LOXHD1: variants seen among roughly 807,000 people sequenced by gnomAD.
LOXHD1 encodes the protein lipoxygenase homology PLAT domains 1.
A neutral mutation model predicts 248.2 loss-of-function variants in LOXHD1; 205 were observed. The observed-to-expected ratio is 0.83, with a 90% CI of 0.74 to 0.93. The LOEUF is 0.93. Ranked by LOEUF, LOXHD1 falls within the 40% of genes least tolerant of loss-of-function variation. The pLI is 0.00. For synonymous variants in LOXHD1, 1,113 were observed against 1,162.8 expected (o/e 0.96, Z 0.87); for missense variants, 2,930 against 2,971.6 (o/e 0.99, Z 0.33).
chr18:46,633,516 T>C (rs1415738064), intron 4 of LOXHD1, among the ~76,000 whole-genome samples: 1 of 152,168 alleles, frequency 6.6e-6, no homozygotes. Context: ...AACTATAACA[T>C]TCTTAGAAGA....
At chr18:46,653,257 T>A (rs2039135627) in intron 1 of LOXHD1, among the ~76,000 whole-genome samples, 1 of 151,860 alleles carries the variant, frequency 6.6e-6, no homozygotes, top group African/African-American at 2.4e-5. Flanking sequence ...AAAAAAAAAG[T>A]TTAAGAACAG....
chr18:46,521,953 G>C, intron 32 of LOXHD1, 148 bp downstream of exon 32: 1 of 634,940 alleles, frequency 1.6e-6, no homozygotes, highest in Non-Finnish European at 2.6e-6. Flanking sequence ...AAGTCACCTG[G>C]CTAGTTGGTT....
intron 37 of LOXHD1, among the ~76,000 whole-genome samples, chr18:46,503,196 T>C (rs946844568): frequency 6.6e-6 from 1 of 152,142 alleles, no homozygotes. Context: ...ACAGACATAA[T>C]GTACTTCTTT....
At chr18:46,544,371 C>G (rs750538511) in intron 23 of LOXHD1, among the ~76,000 whole-genome samples, 1 of 152,166 alleles carries the variant, frequency 6.6e-6, no homozygotes, top group Non-Finnish European at 1.5e-5. Context: ...TTGTCTAACA[C>G]ATAGAAAGGC....
rs1451197156 is a variant in LOXHD1, at chr18:46,569,589, G to A, written c.2097C>T (p.Ser699=). The A allele has an allele frequency of 9.0e-6, 14 of 1,551,758 alleles. No individual in the cohort carries two copies. Among genetic ancestry groups the A allele is most frequent in the Non-Finnish European group, 1.1e-5 (13 of 1,146,998 alleles). Reference sequence around the variant, plus strand: ...GCTTGATGTAGACTCTAGAATCCGTGCTGGCCCCAGAGACATCCCCAGTCT... The same window carrying A: ...GCTTGATGTAGACTCTAGAATCCGTACTGGCCCCAGAGACATCCCCAGTCT... ...SLKTGDVSGA[S]TDSRVYIKLY... is the part of the protein sequence containing the mutation. Residue 699 remains serine (S), a synonymous_variant, in exon 16 of 41, where the codon AGC becomes AGT. Transcript: ENST00000642948.
intron 28 of LOXHD1, among the ~76,000 whole-genome samples, chr18:46,530,388 T>A (rs2036011633): frequency 6.6e-6 from 1 of 151,922 alleles, no homozygotes; most frequent in African/African-American, 2.4e-5. Context: ...GCCTCAAGGG[T>A]AGAACAGAGG....
intron 28 of LOXHD1, among the ~76,000 whole-genome samples, chr18:46,530,900 C>T (rs1332228849): frequency 6.6e-6 from 1 of 152,144 alleles, no homozygotes; most frequent in African/African-American, 2.4e-5. Context: ...TTCCTCAGCT[C>T]TCATCTTGCA....
chr18:46,525,504 T>C (rs1432324402), intron 29 of LOXHD1, among the ~76,000 whole-genome samples: 2 of 151,880 alleles, frequency 1.3e-5, no homozygotes, highest in African/African-American at 4.8e-5. Flanking sequence ...GACAAACATC[T>C]GGGATGCAGG....
rs1568229964 is a variant in LOXHD1 at position 46,640,361 on chromosome 18, CTCTTCA to C, written c.327-567_327-562del. Among the ~76,000 whole-genome samples, 3 of 152,318 alleles carry C rather than the reference CTCTTCA, an allele frequency of 2.0e-5. No individual in the cohort carries two copies. The East Asian group carries it at 5.8e-4, about 29-fold the overall frequency. Reference sequence around the variant, plus strand: ...CTGTGAGATGATTAAGTGTGTCCCTCTCTTCATCATGACTCCTGGACCTGGACAACA... The same window carrying C: ...CTGTGAGATGATTAAGTGTGTCCCTCTCATGACTCCTGGACCTGGACAACA... On this transcript the variant is annotated intron_variant, in intron 3 of 40. Transcript: ENST00000642948.
chr18:46,580,760 GA>G (rs1164339510), intron 12 of LOXHD1, among the ~76,000 whole-genome samples: 3 of 152,214 alleles, frequency 2.0e-5, no homozygotes, highest in Non-Finnish European at 4.4e-5. Flanking sequence ...TGGAGTGAGG[GA>G]ATATAAATTA....
At chr18:46,640,216 G>A (rs1384116514) in intron 3 of LOXHD1, among the ~76,000 whole-genome samples, 1 of 152,102 alleles carries the variant, frequency 6.6e-6, no homozygotes, top group African/African-American at 2.4e-5. Context: ...CTGAGTCAAG[G>A]TCAAACAGGA....
At chr18:46,527,770 G>A (rs1431673271) in intron 29 of LOXHD1, among the ~76,000 whole-genome samples, 1 of 152,232 alleles carries the variant, frequency 6.6e-6, no homozygotes, top group Non-Finnish European at 1.5e-5. Flanking sequence ...ATGAATGTGT[G>A]TGTTTTAGAT....
Position 46,657,066 on chromosome 18 carries a change from C to T in LOXHD1, c.-33G>A. On this transcript the variant is annotated 5_prime_UTR_variant, in exon 1 of 41. Transcript: ENST00000642948. ...GCTGCCTTCTCCCAGCGCTCGCAGG[C>T]TCACTGTGCCGCCTCCTCACACCTG... 8 of 1,551,474 alleles carry T rather than the reference C, an allele frequency of 5.2e-6. No individual in the cohort carries two copies. Among genetic ancestry groups the T allele is most frequent in the Non-Finnish European group, 5.2e-6 (6 of 1,146,848 alleles).
chr18:46,557,210 A>T, intron 21 of LOXHD1, 146 bp downstream of exon 21: 1 of 906,828 alleles, frequency 1.1e-6, no homozygotes, highest in Non-Finnish European at 1.6e-6. Context: ...CGGCCAGTAC[A>T]CCTCACCCTT....
chr18:46,550,344 C>A (rs905418590), intron 21 of LOXHD1, among the ~76,000 whole-genome samples: 3 of 151,590 alleles, frequency 2.0e-5, no homozygotes, highest in Non-Finnish European at 2.9e-5. Context: ...GAGGCCGAGG[C>A]GGGTGGATCA....
intron 4 of LOXHD1, among the ~76,000 whole-genome samples, chr18:46,638,981 C>T (rs1236428755): frequency 6.6e-6 from 1 of 152,160 alleles, no homozygotes; most frequent in Non-Finnish European, 1.5e-5. Flanking sequence ...TGTAATGCCC[C>T]CCTTTTTGGA....
At chr18:46,607,322 T>C (rs148525361) in intron 6 of LOXHD1, among the ~76,000 whole-genome samples, 54 of 150,272 alleles carry the variant, frequency 3.6e-4, no homozygotes, top group Non-Finnish European at 4.4e-5. Flanking sequence ...TATATACACA[T>C]ATATGTGCAT....
chr18:46,537,342 GACA>G (rs2036355882), intron 26 of LOXHD1, among the ~76,000 whole-genome samples: 1 of 152,156 alleles, frequency 6.6e-6, no homozygotes, highest in African/African-American at 2.4e-5. Context: ...TTTACACAGG[GACA>G]ATTATAGCAC....
chr18:46,483,747 T>A lies in LOXHD1; in HGVS notation c.6183-2A>T. On this transcript the variant is annotated splice_acceptor_variant, in intron 39 of 40. Coordinates refer to ENST00000642948, the MANE Select transcript of LOXHD1 (RefSeq NM_001384474.1). LOFTEE classifies it high-confidence loss of function. ...AACTCAAACGTGTCTGTGGTCCCCC[T>A]GCAGGAAACAAAAGTGTGGTCCATG... 6.5e-7 allele frequency: 1 copy of A among 1,539,568 alleles called. No individual in the cohort carries two copies.
Sources: gnomAD v4.1 joint callset for allele counts (sites outside exome capture counted in the v4.1 genomes callset) on GRCh38, gnomAD v4.1.1 for gene constraint, MANE v1.5 for transcripts, NCBI Gene and HGNC (gene_info 2026-07-23, HGNC 2026-07-21) for gene names.